RXRA: variants seen among roughly 807,000 people sequenced by gnomAD.
RXRA encodes the protein retinoid X receptor alpha, also known as retinoic acid receptor RXR-alpha.
A neutral mutation model predicts 44.5 loss-of-function variants in RXRA; 5 were observed. That is an observed-to-expected ratio of 0.11 (90% CI 0.06 to 0.24). The LOEUF is 0.24. Ranked by LOEUF, RXRA falls within the 10% of genes least tolerant of loss-of-function variation. The probability of loss-of-function intolerance (pLI) is 1.00; values close to 1 mark genes in which losing one functional copy is unlikely to be tolerated. For synonymous variants in RXRA, 291 were observed against 271.4 expected, an observed-to-expected ratio of 1.07 and a Z score of -0.71; for missense variants, 412 against 646.5, an observed-to-expected ratio of 0.64 and a Z score of 3.93.
intron 1 of RXRA, among the ~76,000 whole-genome samples, chr9:134,370,630 C>G (rs1156746652): frequency 1.3e-5 from 2 of 152,246 alleles, no homozygotes; most frequent in Admixed American, 1.3e-4. Flanking sequence ...GCTATGTGAC[C>G]TCCCTGGTCG....
At position 134,407,506 on chromosome 9, in the gene RXRA, G is replaced by A. The variant is rs1444369949; in HGVS notation, c.280-643G>A. On this transcript the variant is annotated intron_variant, in intron 2 of 9. Transcript: ENST00000481739. The surrounding 1 kb of genome is among the most constrained non-coding windows in gnomAD (Gnocchi z 4.8). ...CAGGGTGACCGGGTGAGTTTCCCAC[G>A]CTTGCCCGGGCGGCAGCGTGCGGGC... is the stretch of plus-strand genomic sequence containing the variant. Among the ~76,000 whole-genome samples, 3 of 152,196 alleles carry A rather than the reference G, an allele frequency of 2.0e-5. No individual in the cohort carries two copies. Among genetic ancestry groups the A allele is most frequent in the Admixed American group, 6.5e-5 (1 of 15,288 alleles).
chr9:134,382,916 G>A (rs1215624781), intron 1 of RXRA, among the ~76,000 whole-genome samples: 4 of 152,188 alleles, frequency 2.6e-5, no homozygotes, highest in Non-Finnish European at 2.9e-5. Flanking sequence ...GGAGCGTGCC[G>A]AATGCAGGCG....
chr9:134,358,253 C>G (rs1830308241), intron 1 of RXRA, among the ~76,000 whole-genome samples: 1 of 152,224 alleles, frequency 6.6e-6, no homozygotes. Context: ...GGCTCACGAG[C>G]CAGGAGATGG....
At chr9:134,393,300 A>G (rs1028310162) in intron 1 of RXRA, among the ~76,000 whole-genome samples, 5 of 152,196 alleles carry the variant, frequency 3.3e-5, no homozygotes, top group Non-Finnish European at 7.4e-5. Context: ...GGGGTCTGTC[A>G]AGAGTTTGGC....
In RXRA at chr9:134,417,279, C is replaced by T; in HGVS notation, c.732C>T (p.Pro244=). 6.2e-7 allele frequency: 1 copy of T among 1,613,860 alleles called. No homozygotes were observed. The highest frequency in any genetic ancestry group is 1.7e-5 in the Admixed American group (1 of 60,014). Residue 244 remains proline (P), a synonymous_variant, in exon 5 of 10, where the codon CCC becomes CCT. Coordinates refer to ENST00000481739, the MANE Select transcript of RXRA (RefSeq NM_002957.6). The surrounding 1 kb of genome is among the most constrained non-coding windows in gnomAD (Gnocchi z 6.1). ...RILEAELAVE[P]KTETYVEANM... Reference sequence around the variant, plus strand: ...TGGAGGCTGAGCTGGCCGTGGAGCCCAAGACCGAGACCTACGTGGAGGCAA... The same window carrying T: ...TGGAGGCTGAGCTGGCCGTGGAGCCTAAGACCGAGACCTACGTGGAGGCAA...
chr9:134,423,145 C>T (rs34767635), intron 6 of RXRA: 1 of 985,330 alleles, frequency 1.0e-6, no homozygotes, highest in East Asian at 1.1e-4. Flanking sequence ...GGCGTGCTGA[C>T]TGGGGCTGGT....
At chr9:134,387,380 G>A (rs1343281589) in intron 1 of RXRA, among the ~76,000 whole-genome samples, 1 of 152,264 alleles carries the variant, frequency 6.6e-6, no homozygotes, top group Admixed American at 6.5e-5. Flanking sequence ...GTGCCGTGGA[G>A]TAACTTTCCC....
Position 134,438,456 on chromosome 9 carries a change from C to G in RXRA, c.*1842C>G, listed in dbSNP as rs1259345673. ...GCTGTCAGAGATTCCAGAAGCCTCT[C>G]CTCCCCGCCGCCCTCCACCCCTGCC... On this transcript the variant is annotated 3_prime_UTR_variant, in exon 10 of 10. Coordinates refer to ENST00000481739, the MANE Select transcript of RXRA (RefSeq NM_002957.6). 1 of 152,320 alleles carries G rather than the reference C, an allele frequency of 6.6e-6. No homozygotes were observed. Among genetic ancestry groups the G allele is most frequent in the Non-Finnish European group, 1.5e-5 (1 of 68,092 alleles). The allele number at this position is 152,320 out of a possible 1,614,324, so 9.4% of individuals were successfully genotyped here.
intron 6 of RXRA, chr9:134,425,563 T>TGAGGGGGGTGGGGGGGGGG (rs1831419733): frequency 8.2e-6 from 1 of 122,302 alleles, no homozygotes; most frequent in South Asian, 3.9e-4. Flanking sequence ...TGGGGGGGGG[T>TGAGGGGGGTGGGGGGGGGG]GAGGGGGGTG....
chr9:134,422,299 C>T (rs969289522), intron 6 of RXRA: 21 of 1,288,642 alleles, frequency 1.6e-5, no homozygotes, highest in South Asian at 4.9e-5. Flanking sequence ...CTTCCTGGGA[C>T]GCTCCCCTTT....
At chr9:134,419,162 A>C (rs978922363) in intron 5 of RXRA, among the ~76,000 whole-genome samples, 1 of 152,160 alleles carries the variant, frequency 6.6e-6, no homozygotes, top group South Asian at 2.1e-4. Flanking sequence ...GTCTGCACGC[A>C]TGCCCTGCCC....
chr9:134,400,275 C>G (rs1326128146), intron 1 of RXRA, among the ~76,000 whole-genome samples: 1 of 152,212 alleles, frequency 6.6e-6, no homozygotes. Context: ...CACAGCTGCT[C>G]TGAGGCTTGG....
rs1831567029 is a variant in RXRA at position 134,433,570 on chromosome 9, G to A, written c.1136-532G>A. Among the ~76,000 whole-genome samples the A allele has an allele frequency of 6.6e-6, 1 of 152,086 alleles. No individual in the cohort carries two copies. Among genetic ancestry groups the A allele is most frequent in the African/African-American group, 2.4e-5 (1 of 41,390 alleles). Reference sequence around the variant, plus strand: ...GGGTCCCTGGGCCTTGGAGGTTTTGGTGGCTGCAATCTTAGCCTCTCTGTC... The same window carrying A: ...GGGTCCCTGGGCCTTGGAGGTTTTGATGGCTGCAATCTTAGCCTCTCTGTC... On this transcript the variant is annotated intron_variant, in intron 8 of 9. Coordinates refer to ENST00000481739, the MANE Select transcript of RXRA (RefSeq NM_002957.6). This position sits in a 1 kb window ranked among gnomAD's most constrained non-coding sequence, Gnocchi z 4.2.
At position 134,423,954 on chromosome 9, in the gene RXRA, TGCGCTGGGGGCCTG is replaced by T. The variant is rs1831389992; in HGVS notation, c.910+2153_910+2166del. ...TTTTCCTGGGGATCCCAGATGGTTG[TGCGCTGGGGGCCTG>T]GCGGAGGTCCGAGTCGGGTTGGATG... On this transcript the variant is annotated intron_variant, in intron 6 of 9. Transcript: ENST00000481739. The T allele has an allele frequency of 4.1e-6, 4 of 985,338 alleles. No individual in the cohort carries two copies. The South Asian group carries it at 1.9e-4, about 46-fold the overall frequency. The allele number at this position is 985,338 out of a possible 1,614,324, so 61.0% of individuals were successfully genotyped here.
chr9:134,343,390 T>G lies in RXRA; in HGVS notation c.28+16731T>G, dbSNP rs966606769. On this transcript the variant is annotated intron_variant, in intron 1 of 9. Coordinates refer to ENST00000481739, the MANE Select transcript of RXRA (RefSeq NM_002957.6). The surrounding 1 kb of genome is among the most constrained non-coding windows in gnomAD (Gnocchi z 4.1). ...GGGAGGAGGAGTTTCTTCTTCTGGG[T>G]TCTGGGGGTTCATGCAGGATTGCCC... 6.6e-6 allele frequency among the ~76,000 whole-genome samples: 1 copy of G among 151,986 alleles called. No individual in the cohort carries two copies. Among genetic ancestry groups the G allele is most frequent in the African/African-American group, 2.4e-5 (1 of 41,360 alleles).
intron 1 of RXRA, among the ~76,000 whole-genome samples, chr9:134,387,213 G>A (rs950648809): frequency 2.6e-5 from 4 of 152,256 alleles, no homozygotes; most frequent in African/African-American, 9.6e-5. Flanking sequence ...CGCCCTGCCC[G>A]GCCCTGGCTC....
At chr9:134,402,345 CAG>C (rs1440419080) in intron 2 of RXRA, 1 of 162,966 alleles carries the variant, frequency 6.1e-6, no homozygotes, top group African/African-American at 2.4e-5. Context: ...CGTCCCCTCT[CAG>C]GGATGCCGGC....
chr9:134,377,695 C>T (rs1229181382), intron 1 of RXRA, among the ~76,000 whole-genome samples: 2 of 152,258 alleles, frequency 1.3e-5, no homozygotes, highest in Non-Finnish European at 2.9e-5. Flanking sequence ...GCACTCTACT[C>T]TTGCAGAGAT....
intron 4 of RXRA, among the ~76,000 whole-genome samples, chr9:134,415,918 A>G (rs1388302839): frequency 6.6e-6 from 1 of 152,188 alleles, no homozygotes; most frequent in East Asian, 1.9e-4. Context: ...CACTTAGACC[A>G]GTCATTTTCT....
Sources: allele counts gnomAD v4.1 joint callset (sites outside exome capture counted in the v4.1 genomes callset), GRCh38; gene constraint gnomAD v4.1.1; non-coding constraint Gnocchi (gnomAD v3.1); transcripts MANE v1.5; gene names NCBI Gene and HGNC (gene_info 2026-07-23, HGNC 2026-07-21).